Variants in EPN2 observed in about 807,000 individuals in gnomAD.
EPN2 encodes epsin-2.
EPN2 carries 34 observed loss-of-function variants against 61.7 expected under a neutral mutation model. That is an observed-to-expected ratio of 0.55 (90% CI 0.42 to 0.73). The LOEUF is 0.73. Among genes scored for constraint, EPN2 ranks in the 30% least tolerant of loss-of-function variants. EPN2 has a pLI of 0.00. For missense variants in EPN2, 714 were observed against 839.2 expected, an observed-to-expected ratio of 0.85 and a Z score of 1.84; for synonymous variants, 349 against 353.6, an observed-to-expected ratio of 0.99 and a Z score of 0.15.
chr17:19,275,057 TC>T (rs1396548692), intron 1 of EPN2, among the ~76,000 whole-genome samples: 6 of 152,200 alleles, frequency 3.9e-5, no homozygotes, highest in Admixed American at 3.9e-4. Context: ...GAGCAGATGA[TC>T]CCAGACTTTG....
intron 7 of EPN2, among the ~76,000 whole-genome samples, chr17:19,317,524 T>C (rs1486863993): frequency 6.6e-6 from 1 of 152,188 alleles, no homozygotes; most frequent in Non-Finnish European, 1.5e-5. Flanking sequence ...GCGTTGTGAC[T>C]GCCTCCCTGT....
chr17:19,286,788 C>T (rs939291274), intron 4 of EPN2, among the ~76,000 whole-genome samples: 3 of 152,164 alleles, frequency 2.0e-5, no homozygotes, highest in Non-Finnish European at 4.4e-5. Context: ...ACAGTTTATA[C>T]AGGATTTTGG....
intron 7 of EPN2, 163 bp downstream of exon 7, chr17:19,313,442 C>T: frequency 2.0e-6 from 1 of 509,708 alleles, no homozygotes; most frequent in Middle Eastern, 2.8e-4. Context: ...TTGCCCTCCT[C>T]CTTGAGGATG....
chr17:19,264,365 T>C (rs2045174421), intron 1 of EPN2, among the ~76,000 whole-genome samples: 1 of 152,182 alleles, frequency 6.6e-6, no homozygotes, highest in South Asian at 2.1e-4. Context: ...TTGTTTTTCT[T>C]TGAGAGGCAT....
Position 19,334,026 on chromosome 17 carries a change from G to A in EPN2, c.1698G>A (p.Gln566=), listed in dbSNP as rs1907283848. ...AGCCCCAGCCGCTGACACTGAACCAGCTTCGGGGGAGCCCAGTCCTGGGGA... is the reference window on the plus strand; with the variant it reads ...AGCCCCAGCCGCTGACACTGAACCAACTTCGGGGGAGCCCAGTCCTGGGGA... ...VNQPQPLTLN[Q]LRGSPVLGTS... is the part of the protein sequence containing the mutation. Residue 566 remains glutamine (Q), a synonymous_variant, in exon 11 of 11, where the codon CAG becomes CAA. Transcript: ENST00000314728. This position sits in a 1 kb window ranked among gnomAD's most constrained non-coding sequence, Gnocchi z 4.9. The A allele has an allele frequency of 6.2e-7, 1 of 1,603,474 alleles. No individual in the cohort carries two copies. Among genetic ancestry groups the A allele is most frequent in the African/African-American group, 1.3e-5 (1 of 74,790 alleles).
intron 4 of EPN2, among the ~76,000 whole-genome samples, chr17:19,294,102 AAAG>A (rs1192342635): frequency 6.6e-6 from 1 of 151,832 alleles, no homozygotes; most frequent in African/African-American, 2.4e-5. Context: ...AAAAAAAAAA[AAAG>A]AAACAGTGCT....
At position 19,242,749 on chromosome 17, in the gene EPN2, T is replaced by C. The variant is rs73308439; in HGVS notation, c.-294+5218T>C. Among the ~76,000 whole-genome samples the C allele has an allele frequency of 5.0e-3, 758 of 152,342 alleles. 5 individuals carry two copies. The highest frequency in any genetic ancestry group is 0.017 in the African/African-American group (700 of 41,576). On this transcript the variant is annotated intron_variant, in intron 1 of 10. Transcript: ENST00000314728. ...CCCCATCTTCTCTTCATGGTAACCC[T>C]GCTGATATATAGAACAGGGAAAAGT...
chr17:19,240,887 A>G (rs942759077), intron 1 of EPN2, among the ~76,000 whole-genome samples: 8 of 152,200 alleles, frequency 5.3e-5, no homozygotes, highest in Non-Finnish European at 7.3e-5. Context: ...TGTCACCAGT[A>G]TTCCTCGAGG....
chr17:19,302,980 C>T (rs1905606701), intron 4 of EPN2, among the ~76,000 whole-genome samples: 1 of 152,218 alleles, frequency 6.6e-6, no homozygotes, highest in Admixed American at 6.5e-5. Context: ...GAAGAGTTCC[C>T]TCTGGGCGAG....
intron 1 of EPN2, among the ~76,000 whole-genome samples, chr17:19,253,495 G>T (rs910865891): frequency 1.6e-4 from 24 of 146,886 alleles, no homozygotes; most frequent in South Asian, 2.2e-4. Flanking sequence ...GCTCACTGCA[G>T]CCTTGACTTC....
chr17:19,275,395 G>A (rs2045296015), intron 1 of EPN2, among the ~76,000 whole-genome samples: 1 of 152,252 alleles, frequency 6.6e-6, no homozygotes, highest in African/African-American at 2.4e-5. Flanking sequence ...GGTAGACATA[G>A]AGGTGCAGAC....
chr17:19,278,965 C>T (rs950837463), intron 1 of EPN2, among the ~76,000 whole-genome samples: 39 of 152,276 alleles, frequency 2.6e-4, no homozygotes, highest in African/African-American at 8.7e-4. Context: ...GTGAGGATTT[C>T]GAAAGCTGCT....
At position 19,305,127 on chromosome 17, in the gene EPN2, T is replaced by G. The variant is rs1225774504; in HGVS notation, c.767-4758T>G. On this transcript the variant is annotated intron_variant, in intron 4 of 10. Coordinates refer to ENST00000314728, the MANE Select transcript of EPN2 (RefSeq NM_014964.5). ...TAAAAATATACTTTGGTTTTTTTTT[T>G]TTTTTTTTTTTTTTGAGACAGTCTT... 1.4e-3 allele frequency among the ~76,000 whole-genome samples: 204 copies of G among 149,892 alleles called. 4 individuals carry two copies. Among genetic ancestry groups the G allele is most frequent in the Middle Eastern group, 3.4e-3 (1 of 292 alleles).
intron 1 of EPN2, among the ~76,000 whole-genome samples, chr17:19,268,349 CTAAACT>C (rs2045220912): frequency 6.6e-6 from 1 of 152,164 alleles, no homozygotes; most frequent in Admixed American, 6.5e-5. Flanking sequence ...CCTGTGTCAA[CTAAACT>C]ATGAATACAT....
intron 5 of EPN2, among the ~76,000 whole-genome samples, chr17:19,310,499 G>C (rs1462536961): frequency 6.9e-6 from 1 of 145,392 alleles, no homozygotes; most frequent in Non-Finnish European, 1.5e-5. Flanking sequence ...AGTATGTATA[G>C]TTTTAGTTTT....
intron 4 of EPN2, among the ~76,000 whole-genome samples, chr17:19,291,870 C>T (rs1285332246): frequency 6.6e-6 from 1 of 152,148 alleles, no homozygotes; most frequent in Admixed American, 6.5e-5. Context: ...GTCTTCATAA[C>T]AAGGGAACCT....
chr17:19,314,771 C>T (rs1046252679), intron 7 of EPN2, among the ~76,000 whole-genome samples: 2 of 152,246 alleles, frequency 1.3e-5, no homozygotes, highest in African/African-American at 4.8e-5. Flanking sequence ...AGGTTTGTCA[C>T]TTGTGTGTGG....
At chr17:19,252,040 G>C (rs777736195) in intron 1 of EPN2, among the ~76,000 whole-genome samples, 18 of 152,108 alleles carry the variant, frequency 1.2e-4, no homozygotes, top group Non-Finnish European at 1.5e-5. Flanking sequence ...CATGAAGTCA[G>C]GTGTGGAGTT....
Position 19,242,552 on chromosome 17 carries a change from C to T in EPN2, c.-294+5021C>T, listed in dbSNP as rs377171084. 4.6e-5 allele frequency among the ~76,000 whole-genome samples: 7 copies of T among 152,316 alleles called. No individual in the cohort carries two copies. The East Asian group carries it at 9.6e-4, about 21-fold the overall frequency. The stretch of plus-strand genomic sequence containing the variant: ...AGTACCTAGGTGCTGGAGCCTGCTT[C>T]GTTCCTGGGCATAGAAAGTCCTTTT... On this transcript the variant is annotated intron_variant, in intron 1 of 10. Transcript: ENST00000314728.
Sources: gnomAD v4.1 joint callset for allele counts (sites outside exome capture counted in the v4.1 genomes callset) on GRCh38, gnomAD v4.1.1 for gene constraint, Gnocchi (gnomAD v3.1) non-coding constraint, MANE v1.5 for transcripts, NCBI Gene and HGNC (gene_info 2026-07-23, HGNC 2026-07-21) for gene names.